NRXN3: variants seen among roughly 807,000 people sequenced by gnomAD.
NRXN3 encodes the protein neurexin 3.
A neutral mutation model predicts 137.6 loss-of-function variants in NRXN3; 32 were observed. The observed-to-expected ratio is 0.23, with a 90% confidence interval of 0.18 to 0.31. The LOEUF (loss-of-function observed/expected upper bound fraction) is 0.31. Ranked by LOEUF, NRXN3 falls within the 10% of genes least tolerant of loss-of-function variation. The pLI, the probability that NRXN3 is intolerant of heterozygous loss-of-function variation, is 1.00. For synonymous variants in NRXN3, 798 were observed against 784.5 expected, an observed-to-expected ratio of 1.02 and a Z score of -0.29; for missense variants, 1,574 against 2,062.5, an observed-to-expected ratio of 0.76 and a Z score of 4.59.
intron 4 of NRXN3, among the ~76,000 whole-genome samples, chr14:78,335,342 T>C (rs1007656175): frequency 1.3e-5 from 2 of 152,228 alleles, no homozygotes; most frequent in Non-Finnish European, 2.9e-5. Flanking sequence ...TCTGGCACTC[T>C]GTCAGCTCTT....
intron 16 of NRXN3, among the ~76,000 whole-genome samples, chr14:79,565,132 T>A (rs1020169190): frequency 6.6e-6 from 1 of 151,876 alleles, no homozygotes; most frequent in African/African-American, 2.4e-5. Flanking sequence ...TATATTTATT[T>A]GTATTTAATT....
At chr14:78,317,534 C>T (rs776617772) in intron 4 of NRXN3, among the ~76,000 whole-genome samples, 1 of 152,180 alleles carries the variant, frequency 6.6e-6, no homozygotes, top group East Asian at 1.9e-4. Flanking sequence ...TTCTGCTTTC[C>T]CCCTGCCACT....
chr14:78,178,657 A>C (rs2059493877), intron 1 of NRXN3, among the ~76,000 whole-genome samples: 2 of 152,176 alleles, frequency 1.3e-5, no homozygotes, highest in Non-Finnish European at 1.5e-5. Flanking sequence ...ACAATTATCC[A>C]GCACCTGCTT....
At chr14:78,602,506 T>G (rs1283081268) in intron 4 of NRXN3, 1 of 152,220 alleles carries the variant, frequency 6.6e-6, no homozygotes, top group Non-Finnish European at 1.5e-5. Flanking sequence ...GTTTTGCCTT[T>G]TCATGTCTGA....
intron 4 of NRXN3, among the ~76,000 whole-genome samples, chr14:78,520,868 G>T (rs946573496): frequency 6.6e-6 from 1 of 152,142 alleles, no homozygotes; most frequent in South Asian, 2.1e-4. Flanking sequence ...AAGACCCTAG[G>T]GGGCAGAGGA....
intron 4 of NRXN3, among the ~76,000 whole-genome samples, chr14:78,362,410 T>C (rs1161721966): frequency 6.6e-6 from 1 of 152,154 alleles, no homozygotes; most frequent in Non-Finnish European, 1.5e-5. Context: ...TATTTGCCTA[T>C]TGCACTTTAA....
Position 78,299,374 on chromosome 14 carries a change from C to T in NRXN3, c.757+1514C>T, listed in dbSNP as rs112079849. Reference sequence around the variant, plus strand: ...AGTTAAGCACATCTCTTTGAGGAACCGAGCTCTATGAATTGCTGGAATTTG... The same window carrying T: ...AGTTAAGCACATCTCTTTGAGGAACTGAGCTCTATGAATTGCTGGAATTTG... On this transcript the variant is annotated intron_variant, in intron 4 of 20. Coordinates refer to ENST00000335750, the MANE Select transcript of NRXN3 (RefSeq NM_001330195.2). Among the ~76,000 whole-genome samples, 1,235 of 150,098 alleles carry T rather than the reference C, an allele frequency of 8.2e-3. 17 individuals are homozygous for T. The highest frequency in any genetic ancestry group is 0.025 in the African/African-American group (980 of 39,498).
chr14:78,577,031 G>A (rs1300997746), intron 4 of NRXN3, among the ~76,000 whole-genome samples: 1 of 152,040 alleles, frequency 6.6e-6, no homozygotes, highest in Non-Finnish European at 1.5e-5. Context: ...TTTCTTTGTG[G>A]TAATTCTTTA....
At chr14:78,287,196 C>T (rs1006255481) in intron 3 of NRXN3, among the ~76,000 whole-genome samples, 3 of 152,154 alleles carry the variant, frequency 2.0e-5, no homozygotes, top group African/African-American at 4.8e-5. Context: ...TTTATACTCC[C>T]ACATATATCA....
intron 16 of NRXN3, among the ~76,000 whole-genome samples, chr14:79,615,065 C>T (rs756518856): frequency 7.2e-5 from 11 of 152,206 alleles, no homozygotes; most frequent in South Asian, 2.1e-4. Context: ...GCAGTGACAA[C>T]GGATCTCCAG....
intron 2 of NRXN3, among the ~76,000 whole-genome samples, chr14:78,247,348 G>A (rs557166486): frequency 1.3e-5 from 2 of 152,336 alleles, no homozygotes; most frequent in South Asian, 4.1e-4. Flanking sequence ...ATGGGTATGA[G>A]GTAATAGACA....
chr14:79,077,255 T>C (rs2046130605), intron 15 of NRXN3, among the ~76,000 whole-genome samples: 1 of 152,192 alleles, frequency 6.6e-6, no homozygotes, highest in Admixed American at 6.5e-5. Context: ...GGAAACGTTC[T>C]TTCTGCTAAT....
At chr14:79,227,787 C>CCTTCCTTCCT (rs1568684670) in intron 15 of NRXN3, among the ~76,000 whole-genome samples, 5 of 35,780 alleles carry the variant, frequency 1.4e-4, no homozygotes, top group African/African-American at 5.7e-4. Flanking sequence ...CCTTCCTTCC[C>CCTTCCTTCCT]TCCTCCCTTC....
intron 4 of NRXN3, among the ~76,000 whole-genome samples, chr14:78,495,306 C>A (rs904435386): frequency 6.6e-5 from 10 of 151,972 alleles, no homozygotes; most frequent in African/African-American, 2.4e-4. Context: ...AGTACATAAT[C>A]ATGGCCAATT....
intron 20 of NRXN3, among the ~76,000 whole-genome samples, chr14:79,821,087 A>T (rs997173253): frequency 6.6e-6 from 1 of 152,216 alleles, no homozygotes; most frequent in Non-Finnish European, 1.5e-5. Context: ...GCACGGGGTC[A>T]TCTTCTAAAA....
At chr14:78,494,060 A>G (rs1436971202) in intron 4 of NRXN3, among the ~76,000 whole-genome samples, 2 of 152,182 alleles carry the variant, frequency 1.3e-5, no homozygotes, top group African/African-American at 2.4e-5. Context: ...GGTCCTAGCC[A>G]TTTTAAAGAG....
chr14:78,810,390 C>CA (rs746793441), intron 10 of NRXN3, 46 bp downstream of exon 10: 11 of 820,592 alleles, frequency 1.3e-5, no homozygotes, highest in South Asian at 1.3e-4. Context: ...AAAAAAAAAA[C>CA]AAAACTGACT....
intron 19 of NRXN3, among the ~76,000 whole-genome samples, chr14:79,773,331 A>G (rs1228136953): frequency 6.6e-6 from 1 of 152,098 alleles, no homozygotes. Flanking sequence ...ATGCACACGT[A>G]TGTTTATTGC....
Position 78,242,990 on chromosome 14 carries a change from C to G in NRXN3, c.-104C>G, listed in dbSNP as rs987238661. 2 of 764,548 alleles carry G rather than the reference C, an allele frequency of 2.6e-6. No individual in the cohort carries two copies. The highest frequency in any genetic ancestry group is 4.1e-6 in the Non-Finnish European group (2 of 484,644). 47.4% of individuals were successfully genotyped at this position (764,548 alleles called of 1,614,324 possible). The stretch of plus-strand genomic sequence containing the variant: ...TTCCTCCTGTGTGCTTTCTGTCCCC[C>G]CATCTCTGTCTTGTCTTTCCCACTT... On this transcript the variant is annotated 5_prime_UTR_variant, in exon 2 of 21. Coordinates refer to ENST00000335750, the MANE Select transcript of NRXN3 (RefSeq NM_001330195.2).
Sources: allele counts gnomAD v4.1 joint callset (sites outside exome capture counted in the v4.1 genomes callset), GRCh38; gene constraint gnomAD v4.1.1; transcripts MANE v1.5; gene names NCBI Gene and HGNC (gene_info 2026-07-23, HGNC 2026-07-21).